The following CPZ variants were observed in gnomAD, a reference collection of about 807,000 sequenced individuals.
The protein encoded by CPZ is carboxypeptidase Z, also known as VEZT/CPZ fusion.
A neutral mutation model predicts 61.8 loss-of-function variants in CPZ; 103 were observed. That is an observed-to-expected ratio of 1.67 (90% CI 1.42 to 1.96). The LOEUF (loss-of-function observed/expected upper bound fraction) is 1.96, where lower values mean the gene tolerates loss of function less well. CPZ is among the 30% of genes most tolerant of loss of function. CPZ has a pLI of 0.00. For synonymous variants in CPZ, 551 were observed against 373.7 expected (o/e 1.47, Z -5.47); for missense variants, 1,461 against 914.9 (o/e 1.60, Z -7.70).
intron 2 of CPZ, chr4:8,600,894 G>C (rs1270160860): frequency 2.2e-5 from 28 of 1,266,424 alleles, no homozygotes; most frequent in Non-Finnish European, 2.8e-5. Flanking sequence ...GCCTGCTGCG[G>C]CTGGCTTGCT....
At chr4:8,599,569 C>T (rs1347458781) in intron 2 of CPZ, 84 bp downstream of exon 2, 1 of 1,585,112 alleles carries the variant, frequency 6.3e-7, no homozygotes, top group East Asian at 2.3e-5. Context: ...GCAGCTGAAT[C>T]CGTGATTTCA....
At chr4:8,606,522 G>T (rs1162932168) in intron 5 of CPZ, among the ~76,000 whole-genome samples, 1 of 152,306 alleles carries the variant, frequency 6.6e-6, no homozygotes, top group Middle Eastern at 3.4e-3. Context: ...CCACTCAGGG[G>T]GAGCAGCCAG....
At chr4:8,614,954 C>A (rs947602127) in intron 9 of CPZ, among the ~76,000 whole-genome samples, 1 of 152,084 alleles carries the variant, frequency 6.6e-6, no homozygotes, top group Admixed American at 6.5e-5. Context: ...GACATCAAAA[C>A]CCTCGAGAGC....
intron 9 of CPZ, among the ~76,000 whole-genome samples, chr4:8,615,744 G>A (rs548798422): frequency 3.5e-4 from 54 of 152,258 alleles, no homozygotes; most frequent in Admixed American, 2.2e-3. Context: ...GTCTGGTGTC[G>A]CCCAGATCTG....
intron 3 of CPZ, 23 bp from the exon 4 acceptor site, chr4:8,603,953 G>A: frequency 6.2e-7 from 1 of 1,605,978 alleles, no homozygotes; most frequent in Non-Finnish European, 8.5e-7. Context: ...GACACTGACT[G>A]AGCCCCCCCA....
intron 7 of CPZ, among the ~76,000 whole-genome samples, chr4:8,609,099 C>T (rs1169371688): frequency 3.0e-4 from 10 of 33,352 alleles, no homozygotes; most frequent in African/African-American, 8.9e-4. Context: ...CATTCACTCA[C>T]TCACTCCCTT....
At position 8,604,331 on chromosome 4, in the gene CPZ, G is replaced by A. The variant is rs148007858; in HGVS notation, c.709+143G>A. ...CAGGGAGCTGCTTGGTGCAGGCCAC[G>A]TCCCGCTGGGCATGTGCAACCACTA... On this transcript the variant is annotated intron_variant, in intron 4 of 10. Transcript: ENST00000360986. The A allele has an allele frequency of 1.1e-3, 769 of 693,770 alleles. 10 individuals carry two copies. In the East Asian group the frequency reaches 0.016, roughly 15 times the overall value. The allele number at this position is 693,770 out of a possible 1,614,324, so 43.0% of individuals were successfully genotyped here. A position where few individuals can be genotyped will look rare whatever the true frequency, so the allele number is the denominator to read the frequency against.
rs1714546300 is a variant in CPZ, at chr4:8,601,145, C to T, written c.144C>T (p.Leu48=). 6 of 1,586,348 alleles carry T rather than the reference C, an allele frequency of 3.8e-6. No individual in the cohort carries two copies. The East Asian group carries it at 1.1e-4, about 30-fold the overall frequency. ...CAGCCACCTGCGTGGACCTGCAGCT[C>T]AGGACCTGCAGCGATGCCGCCTACA... The part of the protein sequence containing the change: ...ADSATCVDLQ[L]RTCSDAAYNH... The change falls in exon 3 of 11, where the codon CTC becomes CTT. Residue 48 remains leucine, a synonymous_variant. Coordinates refer to ENST00000360986, the MANE Select transcript of CPZ (RefSeq NM_001014447.3).
chr4:8,606,080 T>C lies in CPZ; in HGVS notation c.801T>C (p.Ser267=), dbSNP rs151008862. 31 of 1,614,102 alleles carry C rather than the reference T, an allele frequency of 1.9e-5. No homozygotes were observed. The highest frequency in any genetic ancestry group is 2.5e-5 in the Non-Finnish European group (29 of 1,180,034). Residue 267 remains serine (S), a synonymous_variant, in exon 5 of 11, where the codon TCT becomes TCC. Transcript: ENST00000360986. ...MLIYLAQYLC[S]EYLLGNPRIQ... is the part of the protein sequence containing the mutation. Reference sequence around the variant, plus strand: ...TCTACCTAGCCCAGTACCTGTGCTCTGAGTACCTGCTTGGTAACCCCCGCA... The same window carrying C: ...TCTACCTAGCCCAGTACCTGTGCTCCGAGTACCTGCTTGGTAACCCCCGCA...
rs374898840 is a variant in CPZ at position 8,608,849 on chromosome 4, C to T, written c.1227+1424C>T. Among the ~76,000 whole-genome samples, 23 of 152,252 alleles carry T rather than the reference C, an allele frequency of 1.5e-4. No individual in the cohort carries two copies. In the East Asian group the frequency reaches 1.9e-3, roughly 13 times the overall value. On this transcript the variant is annotated intron_variant, in intron 7 of 10. Coordinates refer to ENST00000360986, the MANE Select transcript of CPZ (RefSeq NM_001014447.3). ...GAGACCAAGGGGAGCCCCAGGGAGC[C>T]GGGTGCAGGGGCCCATGCCGAGTGC...
intron 1 of CPZ, among the ~76,000 whole-genome samples, chr4:8,595,625 C>T (rs1714122750): frequency 6.6e-6 from 1 of 152,274 alleles, no homozygotes; most frequent in Non-Finnish European, 1.5e-5. Context: ...CCAGACCATC[C>T]TGACTCTCTT....
intron 3 of CPZ, chr4:8,603,659 G>A (rs1448456316): frequency 4.7e-6 from 2 of 422,768 alleles, no homozygotes; most frequent in African/African-American, 2.0e-5. Flanking sequence ...GCCTTGGGGG[G>A]TCCAGGACCC....
intron 9 of CPZ, among the ~76,000 whole-genome samples, chr4:8,616,359 G>A (rs1455480983): frequency 6.6e-6 from 1 of 152,078 alleles, no homozygotes; most frequent in Non-Finnish European, 1.5e-5. Flanking sequence ...GGTGACCCGT[G>A]GGCCCAAGAG....
rs1187509252 is a variant in CPZ, at chr4:8,619,335, C to G, written c.1677C>G (p.Ala559=). 6.8e-6 allele frequency: 11 copies of G among 1,614,054 alleles called. No individual in the cohort carries two copies. Among genetic ancestry groups the G allele is most frequent in the East Asian group, 2.2e-5 (1 of 44,898 alleles). The part of the protein sequence containing the change: ...HIVIAQAPGY[A]KVIKKVIIPA... ...TCATTGCCCAAGCCCCTGGCTACGCCAAAGTCATCAAGAAAGTCATCATCC... is the reference window on the plus strand; with the variant it reads ...TCATTGCCCAAGCCCCTGGCTACGCGAAAGTCATCAAGAAAGTCATCATCC... The change falls in exon 11 of 11, where the codon GCC becomes GCG. Residue 559 remains alanine (A), a synonymous_variant. Coordinates refer to ENST00000360986, the MANE Select transcript of CPZ (RefSeq NM_001014447.3).
At chr4:8,607,483 A>G in intron 7 of CPZ, 58 bp downstream of exon 7, 1 of 1,574,358 alleles carries the variant, frequency 6.4e-7, no homozygotes, top group East Asian at 2.3e-5. Context: ...GTCCCCTTGG[A>G]GCTGGTGCCC....
In CPZ at chr4:8,607,349, T is replaced by C. The variant is rs201916048; in HGVS notation, c.1151T>C (p.Leu384Pro). ...VLSASLHGGD[L>P]VVSYPFDFSK... ...TCAGCCAGCCTTCATGGGGGCGACC[T>C]GGTGGTGTCCTACCCCTTCGACTTC... Residue 384 changes from leucine to proline, a missense_variant, in exon 7 of 11, where the codon CTG (leucine) becomes CCG (proline). Physicochemically the swap from Leu to Pro is moderately conservative, Grantham distance 98. Transcript: ENST00000360986. The C allele has an allele frequency of 1.9e-5, 30 of 1,613,976 alleles. No homozygotes were observed. Among genetic ancestry groups the C allele is most frequent in the Non-Finnish European group, 2.3e-5 (27 of 1,179,988 alleles).
intron 7 of CPZ, among the ~76,000 whole-genome samples, chr4:8,609,977 C>T (rs1436305260): frequency 2.0e-5 from 3 of 152,196 alleles, no homozygotes; most frequent in Non-Finnish European, 2.9e-5. Context: ...CAAGGCCCTG[C>T]AGGCTGGCCA....
At chr4:8,616,507 G>A (rs1358771982) in intron 9 of CPZ, among the ~76,000 whole-genome samples, 2 of 152,216 alleles carry the variant, frequency 1.3e-5, no homozygotes, top group Non-Finnish European at 2.9e-5. Context: ...GAGGAAGACT[G>A]GGGCCGTGGG....
chr4:8,618,983 G>T (rs1716448757), intron 10 of CPZ, among the ~76,000 whole-genome samples: 1 of 149,634 alleles, frequency 6.7e-6, no homozygotes, highest in Non-Finnish European at 1.5e-5. Context: ...GTGGTCCAGA[G>T]AAGAGGGGGA....
Sources: allele counts gnomAD v4.1 joint callset (sites outside exome capture counted in the v4.1 genomes callset), GRCh38; gene constraint gnomAD v4.1.1; transcripts MANE v1.5; gene names NCBI Gene and HGNC (gene_info 2026-07-23, HGNC 2026-07-21).